Variants in ZNF236 observed in about 807,000 individuals in gnomAD.
ZNF236 encodes regulated by glucose.
ZNF236 carries 50 observed loss-of-function variants against 191.2 expected under a neutral mutation model. That is an observed-to-expected ratio of 0.26 (90% CI 0.21 to 0.33). The LOEUF (loss-of-function observed/expected upper bound fraction) is 0.33. Ranked by LOEUF, ZNF236 falls within the 10% of genes least tolerant of loss-of-function variation. The pLI is 1.00. For missense variants in ZNF236, 1,754 were observed against 2,374.5 expected, an observed-to-expected ratio of 0.74 and a Z score of 5.43; for synonymous variants, 907 against 928.8, an observed-to-expected ratio of 0.98 and a Z score of 0.43.
rs370596624 is a variant in ZNF236, at chr18:76,968,529, G to A, written c.*190G>A. ...AAAAAAAACTAGGAAAAGTGTCACC[G>A]CATTGTTCTCTTTTGTCTACAAATC... On this transcript the variant is annotated 3_prime_UTR_variant, in exon 31 of 31. Transcript: ENST00000320610. 86 of 1,363,436 alleles carry A rather than the reference G, an allele frequency of 6.3e-5. 1 individual carries two copies. In the Middle Eastern group the frequency reaches 1.4e-3, roughly 22 times the overall value. The allele number at this position is 1,363,436 out of a possible 1,614,324, so 84.5% of individuals were successfully genotyped here.
intron 1 of ZNF236, among the ~76,000 whole-genome samples, chr18:76,827,743 C>T (rs17059951): frequency 0.19 from 28,466 of 152,136 alleles, 2,831 homozygotes; most frequent in Middle Eastern, 0.26. Context: ...GTCTCACAGG[C>T]ATCGATGGGG....
At chr18:76,908,668 C>A in intron 14 of ZNF236, 95 bp downstream of exon 14, 1 of 1,463,880 alleles carries the variant, frequency 6.8e-7, no homozygotes, top group Non-Finnish European at 9.1e-7. Flanking sequence ...CCATCACTGA[C>A]TTTTAAAACA....
Position 76,880,337 on chromosome 18 carries a change from G to A in ZNF236, c.1188+21G>A, listed in dbSNP as rs200437018. 1.4e-5 allele frequency: 23 copies of A among 1,593,436 alleles called. No homozygotes were observed. The African/African-American group carries it at 1.9e-4, about 13-fold the overall frequency. On this transcript the variant is annotated intron_variant, in intron 8 of 30. Coordinates refer to ENST00000320610, the MANE Select transcript of ZNF236 (RefSeq NM_001306089.2). The surrounding 1 kb of genome is among the most constrained non-coding windows in gnomAD (Gnocchi z 5.0). Reference sequence around the variant, plus strand: ...TACAGGTGAAGCACGCTTCCCTGCGGTGTGAGGCTTACGTGCTCGTGCTGG... The same window carrying A: ...TACAGGTGAAGCACGCTTCCCTGCGATGTGAGGCTTACGTGCTCGTGCTGG...
chr18:76,886,352 C>T (rs1369338650), intron 9 of ZNF236: 1 of 152,836 alleles, frequency 6.5e-6, no homozygotes, highest in Non-Finnish European at 1.5e-5. Context: ...GCCATTAATA[C>T]CCACGGAATG....
At position 76,824,234 on chromosome 18, in the gene ZNF236, C is replaced by A. The variant is rs138095491; in HGVS notation, c.55+1572C>A. The A allele has an allele frequency of 7.9e-6, 6 of 761,624 alleles. No homozygotes were observed. The East Asian group carries it at 1.5e-4, about 19-fold the overall frequency. 47.2% of individuals were successfully genotyped at this position (761,624 alleles called of 1,614,324 possible). On this transcript the variant is annotated intron_variant, in intron 1 of 30. Transcript: ENST00000320610. ...GGTAATGGGTAGGAATCAATGTAAA[C>A]TTATTCATAGGCCACACCAAACCAG... is the stretch of plus-strand genomic sequence containing the variant.
intron 15 of ZNF236, 100 bp downstream of exon 15, chr18:76,910,269 A>AGT: frequency 9.8e-7 from 1 of 1,022,372 alleles, no homozygotes; most frequent in South Asian, 1.6e-5. Context: ...GCCCTTCTAA[A>AGT]GTGTATGGTT....
In ZNF236 at chr18:76,968,975, G is replaced by A. The variant is rs377674437; in HGVS notation, c.*636G>A. 4.1e-6 allele frequency: 4 copies of A among 985,712 alleles called. No homozygotes were observed. The highest frequency in any genetic ancestry group is 1.7e-5 in the African/African-American group (1 of 57,198). The allele number at this position is 985,712 out of a possible 1,614,324, so 61.1% of individuals were successfully genotyped here. A position where few individuals can be genotyped will look rare whatever the true frequency, so the allele number is the denominator to read the frequency against. ...GTTACAAGAATGCAGTATCTGGGGC[G>A]TCAACATGGGGACTCGAGTAAACCT... On this transcript the variant is annotated 3_prime_UTR_variant, in exon 31 of 31. Transcript: ENST00000320610.
intron 3 of ZNF236, among the ~76,000 whole-genome samples, chr18:76,867,439 C>G (rs1469698193): frequency 6.6e-6 from 1 of 151,940 alleles, no homozygotes; most frequent in Admixed American, 6.5e-5. Flanking sequence ...TGCAGTGTAG[C>G]TAGAGGTAGT....
intron 14 of ZNF236, among the ~76,000 whole-genome samples, chr18:76,909,456 G>A (rs1325811836): frequency 2.0e-5 from 3 of 152,122 alleles, no homozygotes; most frequent in African/African-American, 4.8e-5. Context: ...AGTACACTCA[G>A]TGTAGATTCA....
chr18:76,839,045 A>G (rs1975410674), intron 1 of ZNF236, among the ~76,000 whole-genome samples: 1 of 152,246 alleles, frequency 6.6e-6, no homozygotes, highest in Admixed American at 6.5e-5. Flanking sequence ...CCGTGTTTTT[A>G]TGTAGAGCAG....
rs186025664 is a variant in ZNF236, at chr18:76,892,146, T to C, written c.1418-2867T>C. On this transcript the variant is annotated intron_variant, in intron 9 of 30. Transcript: ENST00000320610. The stretch of plus-strand genomic sequence containing the variant: ...CATTAATTTATCTTTTTTTTTTTTT[T>C]CTTTTTGAAATTTTCTTCTGGGTTT... Among the ~76,000 whole-genome samples, 1,214 of 148,740 alleles carry C rather than the reference T, an allele frequency of 8.2e-3. 19 individuals are homozygous for C. Among genetic ancestry groups the C allele is most frequent in the African/African-American group, 0.028 (1,144 of 40,440 alleles).
At chr18:76,870,601 T>C (rs1300509032) in intron 4 of ZNF236, among the ~76,000 whole-genome samples, 1 of 152,032 alleles carries the variant, frequency 6.6e-6, no homozygotes, top group Non-Finnish European at 1.5e-5. Context: ...TAGTGGTGAG[T>C]GTCAAGAAAG....
At chr18:76,872,748 A>G (rs1174158890) in intron 5 of ZNF236, among the ~76,000 whole-genome samples, 3 of 152,168 alleles carry the variant, frequency 2.0e-5, no homozygotes, top group African/African-American at 7.2e-5. Context: ...AATTGTACGA[A>G]TATTTTTAGT....
chr18:76,902,197 T>C (rs1977613238), intron 11 of ZNF236, among the ~76,000 whole-genome samples: 1 of 152,172 alleles, frequency 6.6e-6, no homozygotes, highest in Admixed American at 6.5e-5. Flanking sequence ...AATTGTAAAA[T>C]ATTGTAACTA....
intron 1 of ZNF236, among the ~76,000 whole-genome samples, chr18:76,828,016 C>T (rs1432342599): frequency 2.6e-5 from 4 of 152,036 alleles, no homozygotes; most frequent in Non-Finnish European, 5.9e-5. Flanking sequence ...AGTTCATTTC[C>T]AGAGAGCGGA....
In ZNF236 at chr18:76,963,195, T is replaced by C. The variant is rs1325227373; in HGVS notation, c.5419+2340T>C. On this transcript the variant is annotated intron_variant, in intron 30 of 30. Transcript: ENST00000320610. ...GCTTTTAACTTTTCATCATTCGATATTATGTTGGCTGTGGGTTTGTCATAG... is the reference window on the plus strand; with the variant it reads ...GCTTTTAACTTTTCATCATTCGATACTATGTTGGCTGTGGGTTTGTCATAG... 2.0e-5 allele frequency among the ~76,000 whole-genome samples: 3 copies of C among 152,212 alleles called. No homozygotes were observed. In the East Asian group the frequency reaches 5.8e-4, roughly 29 times the overall value.
At chr18:76,905,545 GAAAAAAAAAAAAAAAA>G (rs1159878664) in intron 13 of ZNF236, 130 bp downstream of exon 13, 1 of 59,266 alleles carries the variant, frequency 1.7e-5, no homozygotes, top group Non-Finnish European at 4.1e-5. Flanking sequence ...ATGGGCTCAA[GAAAAAAAAAAAAAAAA>G]AAAAAAAAAG....
chr18:76,903,697 A>AGCTT (rs1977665482), intron 11 of ZNF236, among the ~76,000 whole-genome samples: 1 of 152,068 alleles, frequency 6.6e-6, no homozygotes, highest in African/African-American at 2.4e-5. Context: ...TTTACCCCCA[A>AGCTT]GCTTGTCCTG....
chr18:76,920,163 C>A, intron 20 of ZNF236, 105 bp downstream of exon 20: 1 of 1,311,432 alleles, frequency 7.6e-7, no homozygotes, highest in Non-Finnish European at 1.0e-6. Flanking sequence ...GTTTCTGAAC[C>A]TGGTGTCACC....
Sources: gnomAD v4.1 joint callset for allele counts (sites outside exome capture counted in the v4.1 genomes callset) on GRCh38, gnomAD v4.1.1 for gene constraint, Gnocchi (gnomAD v3.1) non-coding constraint, MANE v1.5 for transcripts, NCBI Gene and HGNC (gene_info 2026-07-23, HGNC 2026-07-21) for gene names.